Variants in TMEM120B observed in about 807,000 individuals in gnomAD.
TMEM120B encodes the protein transmembrane protein 120B.
Under a neutral mutation model 55.5 loss-of-function variants are expected in TMEM120B, and 31 were observed. That is an observed-to-expected ratio of 0.56 (90% CI 0.42 to 0.75). TMEM120B has a LOEUF of 0.75. Among genes scored for constraint, TMEM120B ranks in the 30% least tolerant of loss-of-function variants. The pLI is 0.00. For synonymous variants in TMEM120B, 203 were observed against 176.3 expected (o/e 1.15, Z -1.20); for missense variants, 399 against 425.5 (o/e 0.94, Z 0.55).
At chr12:121,714,787 C>T (rs1255475985) in intron 1 of TMEM120B, among the ~76,000 whole-genome samples, 1 of 148,896 alleles carries the variant, frequency 6.7e-6, no homozygotes, top group Non-Finnish European at 1.5e-5. Flanking sequence ...GTCTCAATCT[C>T]TTGACCTCGT....
In TMEM120B at chr12:121,779,152, C is replaced by T. The variant is rs923964578; in HGVS notation, c.*3430C>T. On this transcript the variant is annotated 3_prime_UTR_variant, in exon 12 of 12. Coordinates refer to ENST00000449592, the MANE Select transcript of TMEM120B (RefSeq NM_001080825.2). ...CCCGCGTGGAACAGTGCCAGGTCTA[C>T]GTTTACCCACTACCAGATAGACTTT... is the stretch of plus-strand genomic sequence containing the variant. The T allele has an allele frequency of 2.5e-5, 7 of 282,112 alleles. No homozygotes were observed. The highest frequency in any genetic ancestry group is 3.5e-5 in the Non-Finnish European group (5 of 143,274). The allele number at this position is 282,112 out of a possible 1,614,324, so 17.5% of individuals were successfully genotyped here. A position where few individuals can be genotyped will look rare whatever the true frequency, so the allele number is the denominator to read the frequency against.
At chr12:121,734,771 G>T (rs1350429937) in intron 1 of TMEM120B, among the ~76,000 whole-genome samples, 2 of 151,980 alleles carry the variant, frequency 1.3e-5, no homozygotes, top group African/African-American at 4.8e-5. Context: ...AAATTAGCTG[G>T]GCGTGATGGC....
At chr12:121,760,129 C>CAA (rs1006164597) in intron 5 of TMEM120B, among the ~76,000 whole-genome samples, 91 of 47,196 alleles carry the variant, frequency 1.9e-3, no homozygotes, top group East Asian at 3.9e-3. Flanking sequence ...AACTACGTCT[C>CAA]AAAAAAAAAA....
At position 121,780,764 on chromosome 12, in the gene TMEM120B, C is replaced by A; in HGVS notation, c.*5042C>A. 7.8e-7 allele frequency: 1 copy of A among 1,278,736 alleles called. No individual in the cohort carries two copies. The highest frequency in any genetic ancestry group is 2.5e-5 in the Admixed American group (1 of 39,970). The allele number at this position is 1,278,736 out of a possible 1,614,324, so 79.2% of individuals were successfully genotyped here. On this transcript the variant is annotated 3_prime_UTR_variant, in exon 12 of 12. Coordinates refer to ENST00000449592, the MANE Select transcript of TMEM120B (RefSeq NM_001080825.2). ...GTTAAAAATTATTCTTAGAATCTTG[C>A]TTCCCTCAGCTCCCTGAAAGGCCAC...
At position 121,720,297 on chromosome 12, in the gene TMEM120B, C is replaced by G. The variant is rs1332474299; in HGVS notation, c.69+7333C>G. 7.2e-5 allele frequency among the ~76,000 whole-genome samples: 11 copies of G among 152,336 alleles called. No individual in the cohort carries two copies. The East Asian group carries it at 2.1e-3, about 29-fold the overall frequency. On this transcript the variant is annotated intron_variant, in intron 1 of 11. Transcript: ENST00000449592. ...CACATGACTCAGAATCTGTCCCGCACAGGACGCATACACGTTAGGCGAAGT... is the reference window on the plus strand; with the variant it reads ...CACATGACTCAGAATCTGTCCCGCAGAGGACGCATACACGTTAGGCGAAGT...
intron 1 of TMEM120B, among the ~76,000 whole-genome samples, chr12:121,722,847 A>AC (rs1894820644): frequency 2.2e-5 from 2 of 91,074 alleles, no homozygotes; most frequent in South Asian, 4.1e-4. Flanking sequence ...TTTTAAATTT[A>AC]CTTTTTTTTT....
At chr12:121,746,435 C>T (rs1873086385) in intron 2 of TMEM120B, among the ~76,000 whole-genome samples, 3 of 152,122 alleles carry the variant, frequency 2.0e-5, no homozygotes, top group African/African-American at 4.8e-5. Flanking sequence ...GATCGGCCCA[C>T]CTCAGCCTCC....
At chr12:121,763,150 G>A (rs907938785) in intron 6 of TMEM120B, among the ~76,000 whole-genome samples, 1 of 147,974 alleles carries the variant, frequency 6.8e-6, no homozygotes, top group African/African-American at 2.5e-5. Flanking sequence ...TTGGAACCTC[G>A]GCATGCCTTT....
At chr12:121,727,640 G>A (rs770300331) in intron 1 of TMEM120B, among the ~76,000 whole-genome samples, 7 of 151,702 alleles carry the variant, frequency 4.6e-5, no homozygotes, top group Non-Finnish European at 8.8e-5. Flanking sequence ...TTGGGAGGCC[G>A]AGGCGGGCGG....
chr12:121,772,743 A>G (rs1261016743), intron 8 of TMEM120B, among the ~76,000 whole-genome samples: 2 of 152,238 alleles, frequency 1.3e-5, no homozygotes, highest in African/African-American at 2.4e-5. Flanking sequence ...TTCAGATACT[A>G]CAACCTACAT....
chr12:121,731,483 G>A (rs1164067520), intron 1 of TMEM120B, among the ~76,000 whole-genome samples: 1 of 152,090 alleles, frequency 6.6e-6, no homozygotes, highest in African/African-American at 2.4e-5. Context: ...TCAAACTCCT[G>A]GCCTCAAGTG....
rs1006164597 is a variant in TMEM120B at position 121,760,129 on chromosome 12, CAAAAA to C, written c.462-1500_462-1496del. ...CTGGCCCCAGAGCGAAACTACGTCT[CAAAAA>C]AAAAAAAAAAAAAAAAAAATTAGCT... On this transcript the variant is annotated intron_variant, in intron 5 of 11. Transcript: ENST00000449592. Among the ~76,000 whole-genome samples, 4 of 47,432 alleles carry C rather than the reference CAAAAA, an allele frequency of 8.4e-5. No homozygotes were observed. The East Asian group carries it at 1.7e-3, about 20-fold the overall frequency. 31.1% of individuals were successfully genotyped at this position (47,432 alleles called of 152,430 possible).
At chr12:121,744,022 G>T (rs1461152046) in intron 2 of TMEM120B, among the ~76,000 whole-genome samples, 1 of 151,210 alleles carries the variant, frequency 6.6e-6, no homozygotes, top group South Asian at 2.1e-4. Context: ...CCTGCCGGCT[G>T]TGCCACCCTG....
chr12:121,759,357 C>T (rs1194363630), intron 5 of TMEM120B, among the ~76,000 whole-genome samples: 3 of 152,008 alleles, frequency 2.0e-5, no homozygotes, highest in African/African-American at 7.2e-5. Context: ...GAAGAAGAAA[C>T]AAGTTTTAGA....
intron 1 of TMEM120B, among the ~76,000 whole-genome samples, chr12:121,740,537 TAAGG>T (rs1566512802): frequency 2.6e-5 from 4 of 151,684 alleles, no homozygotes; most frequent in African/African-American, 9.7e-5. Flanking sequence ...AAGAAAATCA[TAAGG>T]AAGAGAAAAT....
At chr12:121,770,547 A>C (rs1243620415) in intron 6 of TMEM120B, among the ~76,000 whole-genome samples, 2 of 151,478 alleles carry the variant, frequency 1.3e-5, no homozygotes, top group Middle Eastern at 3.2e-3. Flanking sequence ...GCTGGGGAGA[A>C]GACCTGGTGG....
chr12:121,755,780 CAG>C (rs1359938621), intron 5 of TMEM120B, among the ~76,000 whole-genome samples: 1 of 152,064 alleles, frequency 6.6e-6, no homozygotes, highest in Admixed American at 6.6e-5. Context: ...GAACATGCCT[CAG>C]AGTTATCCCA....
intron 6 of TMEM120B, among the ~76,000 whole-genome samples, chr12:121,769,847 A>AG (rs1873977703): frequency 6.6e-6 from 1 of 152,052 alleles, no homozygotes; most frequent in Non-Finnish European, 1.5e-5. Context: ...GAGGTGACAT[A>AG]GGGGTGGGAG....
intron 1 of TMEM120B, among the ~76,000 whole-genome samples, chr12:121,739,605 T>TG (rs1156686152): frequency 6.6e-6 from 1 of 151,946 alleles, no homozygotes; most frequent in Non-Finnish European, 1.5e-5. Context: ...TCCGAGTAGC[T>TG]GGGACTACAG....
Sources: allele counts gnomAD v4.1 joint callset (sites outside exome capture counted in the v4.1 genomes callset), GRCh38; gene constraint gnomAD v4.1.1; transcripts MANE v1.5; gene names NCBI Gene and HGNC (gene_info 2026-07-23, HGNC 2026-07-21).